The following RAB38 variants were observed in gnomAD, a reference collection of about 807,000 sequenced individuals.
RAB38 encodes ras-related protein Rab-38.
Under a neutral mutation model 18.4 loss-of-function variants are expected in RAB38, and 15 were observed. That is an observed-to-expected ratio of 0.82 (90% CI 0.55 to 1.26). The LOEUF is 1.26. Ranked by LOEUF, RAB38 falls within the 50% of genes most tolerant of loss-of-function variation. RAB38 has a pLI of 0.00. For synonymous variants in RAB38, 101 were observed against 104.4 expected, an observed-to-expected ratio of 0.97 and a Z score of 0.20; for missense variants, 294 against 267.4, an observed-to-expected ratio of 1.10 and a Z score of -0.69.
chr11:87,822,672 A>G, the RAB38 span, among the ~76,000 whole-genome samples: 1 of 152,240 alleles, frequency 6.6e-6, no homozygotes, highest in African/African-American at 2.4e-5. Context: ...AGCACAAGCC[A>G]CAGTCTTTTT....
the RAB38 span, among the ~76,000 whole-genome samples, chr11:87,872,658 T>C: frequency 1.2e-3 from 188 of 151,700 alleles, no homozygotes; most frequent in Non-Finnish European, 2.1e-3. Flanking sequence ...AGTTTTACCT[T>C]TTCTAGGATA....
At chr11:87,905,866 A>G in the RAB38 span, among the ~76,000 whole-genome samples, 1 of 151,964 alleles carries the variant, frequency 6.6e-6, no homozygotes, top group Admixed American at 6.6e-5. Context: ...ACTGCAAATT[A>G]GATTCTGTAG....
chr11:88,060,253 C>T, the RAB38 span: 1 of 152,106 alleles, frequency 6.6e-6, no homozygotes. Flanking sequence ...TTATTAAAAT[C>T]CTGACATCCC....
At chr11:87,930,198 C>A in the RAB38 span, among the ~76,000 whole-genome samples, 1 of 152,132 alleles carries the variant, frequency 6.6e-6, no homozygotes, top group Admixed American at 6.5e-5. Context: ...AAAAGTGTTC[C>A]TATTTCTCCA....
chr11:88,101,454 A>G, the RAB38 span, among the ~76,000 whole-genome samples: 3 of 151,958 alleles, frequency 2.0e-5, no homozygotes, highest in African/African-American at 4.8e-5. Flanking sequence ...ATTTATATTC[A>G]CCTTCAAAAT....
At chr11:88,028,239 A>C in the RAB38 span, among the ~76,000 whole-genome samples, 58 of 152,290 alleles carry the variant, frequency 3.8e-4, no homozygotes, top group African/African-American at 1.3e-3. Context: ...TCATCACCAT[A>C]ATCAAAGACC....
chr11:88,170,563 T>C (rs544900784), intron 1 of RAB38, among the ~76,000 whole-genome samples: 1 of 152,344 alleles, frequency 6.6e-6, no homozygotes, highest in East Asian at 1.9e-4. Flanking sequence ...GTTGCTGGTG[T>C]GAAGAGTCAG....
rs929746507 is a variant in RAB38 at position 88,145,383 on chromosome 11, G to A, written c.483+4292C>T. Among the ~76,000 whole-genome samples the A allele has an allele frequency of 3.9e-4, 59 of 152,030 alleles. 1 individual carries two copies. The highest frequency in any genetic ancestry group is 3.2e-3 in the Admixed American group (49 of 15,276). ...AGGCTGGTCTCGAACTCCTGACTTCGTGATCCACTTGCCTCGGCCTCCCAA... is the reference window on the plus strand; with the variant it reads ...AGGCTGGTCTCGAACTCCTGACTTCATGATCCACTTGCCTCGGCCTCCCAA... On this transcript the variant is annotated intron_variant, in intron 2 of 2. Transcript: ENST00000243662.
chr11:88,147,112 G>T (rs1020625548), intron 2 of RAB38, among the ~76,000 whole-genome samples: 26 of 152,084 alleles, frequency 1.7e-4, no homozygotes, highest in Admixed American at 1.2e-3. Context: ...AGATTCATAG[G>T]CCTCTTCCTT....
the RAB38 span, among the ~76,000 whole-genome samples, chr11:88,030,248 C>T: frequency 6.6e-6 from 1 of 152,110 alleles, no homozygotes; most frequent in Non-Finnish European, 1.5e-5. Flanking sequence ...GAGAAATTTA[C>T]AGCACTAAAT....
At chr11:87,896,115 T>TACTC in the RAB38 span, among the ~76,000 whole-genome samples, 18 of 151,744 alleles carry the variant, frequency 1.2e-4, no homozygotes, top group African/African-American at 3.9e-4. Flanking sequence ...GAGTGAACTC[T>TACTC]ACTCATTAGT....
the RAB38 span, among the ~76,000 whole-genome samples, chr11:88,095,641 CTGA>C: frequency 6.6e-6 from 1 of 151,882 alleles, no homozygotes; most frequent in Non-Finnish European, 1.5e-5. Context: ...TGTCTATAAG[CTGA>C]TGAATTCCAA....
chr11:87,859,766 C>G, the RAB38 span, among the ~76,000 whole-genome samples: 2 of 152,132 alleles, frequency 1.3e-5, 1 homozygote, highest in African/African-American at 4.8e-5. Context: ...GGGCTTACTT[C>G]TTTTTCTGCT....
the RAB38 span, among the ~76,000 whole-genome samples, chr11:87,960,498 A>C: frequency 6.6e-6 from 1 of 152,154 alleles, no homozygotes; most frequent in African/African-American, 2.4e-5. Context: ...CAATGATGAT[A>C]AGAGCCAGCA....
At chr11:87,878,590 C>G in the RAB38 span, among the ~76,000 whole-genome samples, 1 of 151,726 alleles carries the variant, frequency 6.6e-6, no homozygotes, top group Non-Finnish European at 1.5e-5. Context: ...TTTATCAAAG[C>G]TACTCCCAGT....
the RAB38 span, among the ~76,000 whole-genome samples, chr11:88,090,832 T>A: frequency 6.6e-6 from 1 of 151,866 alleles, no homozygotes. Context: ...TGCTGGAGCA[T>A]CTGAGGGGCA....
the RAB38 span, among the ~76,000 whole-genome samples, chr11:87,976,715 T>C: frequency 8.7e-6 from 1 of 115,580 alleles, no homozygotes. Flanking sequence ...CATATTTATA[T>C]TTCTATATAT....
At chr11:87,974,312 G>T in the RAB38 span, among the ~76,000 whole-genome samples, 1 of 150,918 alleles carries the variant, frequency 6.6e-6, no homozygotes, top group Non-Finnish European at 1.5e-5. Flanking sequence ...AAATGGAAAT[G>T]AAAACTACAA....
the RAB38 span, among the ~76,000 whole-genome samples, chr11:88,008,382 A>G: frequency 2.0e-5 from 3 of 152,168 alleles, no homozygotes; most frequent in Non-Finnish European, 4.4e-5. Context: ...TGTGAAAAAC[A>G]AAAGTTACCA....
Sources: gnomAD v4.1 joint callset for allele counts (sites outside exome capture counted in the v4.1 genomes callset) on GRCh38, gnomAD v4.1.1 for gene constraint, MANE v1.5 for transcripts, NCBI Gene and HGNC (gene_info 2026-07-23, HGNC 2026-07-21) for gene names.